Variants in ZNF521 observed in about 807,000 individuals in gnomAD.
ZNF521 encodes the protein zinc finger protein 521.
Under a neutral mutation model 105.5 loss-of-function variants are expected in ZNF521, and 14 were observed. That is an observed-to-expected ratio of 0.13 (90% CI 0.09 to 0.21). The LOEUF is 0.21. Among genes scored for constraint, ZNF521 ranks in the 10% least tolerant of loss-of-function variants. The pLI is 1.00. For synonymous variants in ZNF521, 635 were observed against 606.0 expected (o/e 1.05, Z -0.70); for missense variants, 1,233 against 1,629.7 (o/e 0.76, Z 4.19).
At chr18:25,295,739 A>G (rs1911287336) in intron 3 of ZNF521, among the ~76,000 whole-genome samples, 1 of 152,212 alleles carries the variant, frequency 6.6e-6, no homozygotes, top group Non-Finnish European at 1.5e-5. Context: ...AGTTTTGACT[A>G]TCACAGACAA....
chr18:25,347,307 C>T (rs1463185614), intron 2 of ZNF521, among the ~76,000 whole-genome samples: 1 of 152,100 alleles, frequency 6.6e-6, no homozygotes, highest in Non-Finnish European at 1.5e-5. Flanking sequence ...CTTCAATTCT[C>T]TATTTCATTA....
In ZNF521 at chr18:25,225,395, G is replaced by T; in HGVS notation, c.2523C>A (p.Asn841Lys). 1 of 1,614,166 alleles carries T rather than the reference G, an allele frequency of 6.2e-7. No homozygotes were observed. The highest frequency in any genetic ancestry group is 8.5e-7 in the Non-Finnish European group (1 of 1,180,032). The change falls in exon 4 of 8, where the codon AAC (asparagine) becomes AAA (lysine). Residue 841 changes from asparagine (N) to lysine (K), a missense_variant. Transcript: ENST00000361524. This position sits in a 1 kb window ranked among gnomAD's most constrained non-coding sequence, Gnocchi z 5.6. ...KHCVFETKTP[N>K]CGTNGASEQV... ...GCTCGGAAGCTCCATTTGTTCCACAGTTGGGTGTCTTGGTTTCGAATACAC... is the reference window on the plus strand; with the variant it reads ...GCTCGGAAGCTCCATTTGTTCCACATTTGGGTGTCTTGGTTTCGAATACAC...
intron 3 of ZNF521, among the ~76,000 whole-genome samples, chr18:25,290,996 T>C (rs1288717683): frequency 6.6e-6 from 1 of 152,134 alleles, no homozygotes; most frequent in Non-Finnish European, 1.5e-5. Context: ...TAAAGCTTTG[T>C]GGGGTGCCTG....
chr18:25,326,509 C>A (rs1223235260), intron 2 of ZNF521, among the ~76,000 whole-genome samples: 1 of 152,196 alleles, frequency 6.6e-6, no homozygotes. Flanking sequence ...TAAATCTCTG[C>A]AGTAAGATTA....
intron 7 of ZNF521, among the ~76,000 whole-genome samples, chr18:25,085,780 C>T: frequency 6.6e-6 from 1 of 151,690 alleles, no homozygotes; most frequent in Admixed American, 6.6e-5. Flanking sequence ...CCTAACAAAG[C>T]ACTTCTATCC....
Position 25,225,393 on chromosome 18 carries a change from C to T in ZNF521, c.2525G>A (p.Cys842Tyr). ...TTGCTCGGAAGCTCCATTTGTTCCA[C>T]AGTTGGGTGTCTTGGTTTCGAATAC... is the stretch of plus-strand genomic sequence containing the variant. ...HCVFETKTPN[C>Y]GTNGASEQVQ... Residue 842 changes from cysteine (C) to tyrosine (Y), a missense_variant, in exon 4 of 8, where the codon TGT becomes TAT. Coordinates refer to ENST00000361524, the MANE Select transcript of ZNF521 (RefSeq NM_015461.3). The surrounding 1 kb of genome is among the most constrained non-coding windows in gnomAD (Gnocchi z 5.6). The T allele has an allele frequency of 6.2e-7, 1 of 1,614,180 alleles. No homozygotes were observed. The highest frequency in any genetic ancestry group is 1.1e-5 in the South Asian group (1 of 91,086).
intron 7 of ZNF521, among the ~76,000 whole-genome samples, chr18:25,070,048 T>C (rs976759149): frequency 1.3e-5 from 2 of 152,226 alleles, no homozygotes; most frequent in African/African-American, 4.8e-5. Context: ...AAGCATTTTC[T>C]GGATGACACT....
rs1175859497 is a variant in ZNF521 at position 25,179,116 on chromosome 18, C to CTTTTTTTTTTTTTTTTTTTTTTTTTTTT, written c.3658+16016_3658+16043dup. On this transcript the variant is annotated intron_variant, in intron 5 of 7. Transcript: ENST00000361524. ...GACTTATACTTCTTTTTCTTTATTC[C>CTTTTTTTTTTTTTTTTTTTTTTTTTTTT]TTTTTTTTTTTTTTTTTTTTTTTTT... Among the ~76,000 whole-genome samples, 4 of 52,440 alleles carry CTTTTTTTTTTTTTTTTTTTTTTTTTTTT rather than the reference C, an allele frequency of 7.6e-5. 1 individual carries two copies. The highest frequency in any genetic ancestry group is 1.4e-4 in the Non-Finnish European group (4 of 28,970). The allele number at this position is 52,440 out of a possible 152,430, so 34.4% of individuals were successfully genotyped here.
intron 5 of ZNF521, among the ~76,000 whole-genome samples, chr18:25,147,246 G>A (rs1218558412): frequency 6.6e-6 from 1 of 151,742 alleles, no homozygotes; most frequent in East Asian, 1.9e-4. Flanking sequence ...CAAGGGTCTT[G>A]AGATTTACCT....
Position 25,091,982 on chromosome 18 carries a change from C to A in ZNF521, c.3758G>T (p.Gly1253Val). ...HLIEHSFEGM[G>V]GTFKCPVCFT... Reference sequence around the variant, plus strand: ...GCAGACTGGACACTTGAAGGTGCCTCCCATCCCTTCGAAGCTGTGCTCTAT... The same window carrying A: ...GCAGACTGGACACTTGAAGGTGCCTACCATCCCTTCGAAGCTGTGCTCTAT... Residue 1253 changes from glycine (G) to valine (V), a missense_variant, in exon 6 of 8, where the codon GGA becomes GTA. This residue lies in a region of ZNF521 where 76 missense variants were observed against 137.2 expected (regional missense o/e 0.55). Coordinates refer to ENST00000361524, the MANE Select transcript of ZNF521 (RefSeq NM_015461.3). The A allele has an allele frequency of 6.2e-7, 1 of 1,613,928 alleles. No homozygotes were observed. Among genetic ancestry groups the A allele is most frequent in the Non-Finnish European group, 8.5e-7 (1 of 1,179,870 alleles).
chr18:25,174,065 T>C (rs1247281204), intron 5 of ZNF521, among the ~76,000 whole-genome samples: 1 of 152,214 alleles, frequency 6.6e-6, no homozygotes, highest in Non-Finnish European at 1.5e-5. Flanking sequence ...AGTGATCACA[T>C]CAACTTGAAT....
chr18:25,137,472 G>A (rs1005684506), intron 5 of ZNF521, among the ~76,000 whole-genome samples: 10 of 152,230 alleles, frequency 6.6e-5, no homozygotes, highest in African/African-American at 7.2e-5. Flanking sequence ...TTGTCTCGCC[G>A]GTAATGGCCA....
chr18:25,199,001 G>A (rs1211222445), intron 4 of ZNF521, among the ~76,000 whole-genome samples: 2 of 151,854 alleles, frequency 1.3e-5, no homozygotes, highest in East Asian at 1.9e-4. Context: ...TGGAAATGAC[G>A]TGACATTGTG....
At chr18:25,240,121 G>C (rs542235030) in intron 3 of ZNF521, among the ~76,000 whole-genome samples, 3 of 152,088 alleles carry the variant, frequency 2.0e-5, no homozygotes, top group African/African-American at 7.2e-5. Context: ...TCTGCACTCC[G>C]TTTTGAAATA....
At chr18:25,320,163 T>C (rs763953066) in intron 3 of ZNF521, among the ~76,000 whole-genome samples, 10 of 152,156 alleles carry the variant, frequency 6.6e-5, no homozygotes, top group Non-Finnish European at 1.5e-4. Context: ...TATCTATTTG[T>C]GTTAAAGGTT....
At chr18:25,184,855 T>C (rs1159711381) in intron 5 of ZNF521, among the ~76,000 whole-genome samples, 2 of 152,168 alleles carry the variant, frequency 1.3e-5, no homozygotes, top group Non-Finnish European at 2.9e-5. Flanking sequence ...ATAGTGCCCC[T>C]AAATACACAT....
At chr18:25,333,214 A>T (rs1913679575) in intron 2 of ZNF521, among the ~76,000 whole-genome samples, 1 of 151,560 alleles carries the variant, frequency 6.6e-6, no homozygotes, top group Admixed American at 6.6e-5. Flanking sequence ...ACATAGGAGG[A>T]AATGGCTGAT....
chr18:25,200,399 CTT>C (rs67164276), intron 4 of ZNF521, among the ~76,000 whole-genome samples: 5 of 144,016 alleles, frequency 3.5e-5, no homozygotes, highest in Admixed American at 6.9e-5. Context: ...CTGCAGTTTT[CTT>C]TTTTTTTTTG....
At chr18:25,090,300 G>T (rs1014401009) in intron 6 of ZNF521, among the ~76,000 whole-genome samples, 35 of 152,138 alleles carry the variant, frequency 2.3e-4, no homozygotes, top group African/African-American at 7.2e-4. Context: ...ACCTAAAAAA[G>T]TTTGCATCTA....
Sources: gnomAD v4.1 joint callset for allele counts (sites outside exome capture counted in the v4.1 genomes callset) on GRCh38, gnomAD v4.1.1 for gene constraint, gnomAD v4.1.1 regional missense constraint, Gnocchi (gnomAD v3.1) non-coding constraint, MANE v1.5 for transcripts, NCBI Gene and HGNC (gene_info 2026-07-23, HGNC 2026-07-21) for gene names.